Variants in ACTR3C observed in about 807,000 individuals in gnomAD.
The protein encoded by ACTR3C is actin-related protein 3C.
A neutral mutation model predicts 26.3 loss-of-function variants in ACTR3C; 18 were observed. The observed-to-expected ratio is 0.68, with a 90% CI of 0.47 to 1.01. ACTR3C has a LOEUF of 1.01. Among genes scored for constraint, ACTR3C ranks in the 50% least tolerant of loss-of-function variants. The probability of loss-of-function intolerance (pLI) is 0.00; values close to 1 mark genes in which losing one functional copy is unlikely to be tolerated. For missense variants in ACTR3C, 184 were observed against 250.7 expected (o/e 0.73, Z 1.80); for synonymous variants, 55 against 94.5 (o/e 0.58, Z 2.42).
intron 1 of ACTR3C, among the ~76,000 whole-genome samples, chr7:150,313,280 C>A (rs1276660954): frequency 6.6e-6 from 1 of 152,112 alleles, no homozygotes; most frequent in Non-Finnish European, 1.5e-5. Context: ...TACGGACACA[C>A]GTGACAGTTC....
chr7:150,101,507 A>G, the ACTR3C span, among the ~76,000 whole-genome samples: 1 of 151,736 alleles, frequency 6.6e-6, no homozygotes, highest in African/African-American at 2.4e-5. Flanking sequence ...ATTGTCCCAC[A>G]TCACAAAACA....
At chr7:150,291,053 C>G (rs140667017) in intron 3 of ACTR3C, among the ~76,000 whole-genome samples, 1 of 152,116 alleles carries the variant, frequency 6.6e-6, no homozygotes, top group Non-Finnish European at 1.5e-5. Flanking sequence ...ATTATATGTA[C>G]AATCCCAAAC....
At chr7:150,066,762 T>C in the ACTR3C span, among the ~76,000 whole-genome samples, 4 of 152,224 alleles carry the variant, frequency 2.6e-5, no homozygotes, top group Non-Finnish European at 5.9e-5. Context: ...CAATGAACTG[T>C]AGTTTAGTTC....
At chr7:149,959,621 G>T in the ACTR3C span, among the ~76,000 whole-genome samples, 1 of 152,202 alleles carries the variant, frequency 6.6e-6, no homozygotes, top group African/African-American at 2.4e-5. Context: ...TAATTACACA[G>T]GGGGATGCAG....
Position 150,289,637 on chromosome 7 carries a change from T to A in ACTR3C, c.154-44A>T, listed in dbSNP as rs765744943. 6 of 1,569,880 alleles carry A rather than the reference T, an allele frequency of 3.8e-6. No individual in the cohort carries two copies. In the South Asian group the frequency reaches 4.8e-5, roughly 13 times the overall value. ...CAGAACAGCTGTGTTAGTGATTTCG[T>A]GGTGGAGAGCAGCCTGGACTCACGA... On this transcript the variant is annotated intron_variant, in intron 3 of 7. Coordinates refer to ENST00000683684, the MANE Select transcript of ACTR3C (RefSeq NM_001164458.2).
chr7:149,946,246 C>T, the ACTR3C span, among the ~76,000 whole-genome samples: 2 of 152,228 alleles, frequency 1.3e-5, no homozygotes, highest in Non-Finnish European at 2.9e-5. Context: ...CAGGTGCTTA[C>T]TGGAAGCCAT....
the ACTR3C span, among the ~76,000 whole-genome samples, chr7:150,127,139 G>GACACACACACAC: frequency 1.2e-4 from 16 of 129,684 alleles, no homozygotes; most frequent in Admixed American, 3.9e-4. Context: ...CCTACCATTA[G>GACACACACACAC]ACACACACAC....
At chr7:150,129,188 A>C in the ACTR3C span, among the ~76,000 whole-genome samples, 1 of 152,048 alleles carries the variant, frequency 6.6e-6, no homozygotes, top group African/African-American at 2.4e-5. Context: ...AAGTGCTAAG[A>C]GGAAATTTAT....
chr7:149,937,547 A>G, the ACTR3C span, among the ~76,000 whole-genome samples: 1 of 152,198 alleles, frequency 6.6e-6, no homozygotes, highest in African/African-American at 2.4e-5. Context: ...CAGGAAGAGG[A>G]GTGAGAAGAG....
chr7:150,006,408 AG>A, the ACTR3C span, among the ~76,000 whole-genome samples: 3 of 147,824 alleles, frequency 2.0e-5, no homozygotes, highest in Admixed American at 2.1e-4. Context: ...TGTGTTAGCC[AG>A]GATGGTCTCG....
At chr7:150,110,420 AGG>A in the ACTR3C span, among the ~76,000 whole-genome samples, 16 of 118,070 alleles carry the variant, frequency 1.4e-4, no homozygotes, top group African/African-American at 5.8e-4. Context: ...CTGCTCAGCA[AGG>A]CTGGAAGCAG....
the ACTR3C span, among the ~76,000 whole-genome samples, chr7:150,176,418 A>G: frequency 1.3e-5 from 2 of 150,902 alleles, no homozygotes; most frequent in African/African-American, 2.5e-5. Context: ...ATCTTCCTTC[A>G]AAAAGCCTTC....
the ACTR3C span, among the ~76,000 whole-genome samples, chr7:150,067,921 A>AG: frequency 6.6e-6 from 1 of 152,094 alleles, no homozygotes; most frequent in Non-Finnish European, 1.5e-5. Context: ...AAAATGAGAC[A>AG]GAAAAAAAAT....
At chr7:150,035,948 AG>A in the ACTR3C span, among the ~76,000 whole-genome samples, 1 of 132,150 alleles carries the variant, frequency 7.6e-6, no homozygotes, top group Admixed American at 7.2e-5. Context: ...GGGGGTCCTC[AG>A]AGCCAGGGCG....
the ACTR3C span, among the ~76,000 whole-genome samples, chr7:149,931,749 A>G: frequency 6.6e-6 from 1 of 152,208 alleles, no homozygotes; most frequent in Non-Finnish European, 1.5e-5. Context: ...GGGGGTGCCA[A>G]CAGCAGAAGA....
the ACTR3C span, among the ~76,000 whole-genome samples, chr7:150,170,410 C>A: frequency 4.3e-3 from 633 of 147,532 alleles, 8 homozygotes; most frequent in Admixed American, 7.9e-3. Context: ...ACACACAGGG[C>A]TCCTGGGTAT....
the ACTR3C span, among the ~76,000 whole-genome samples, chr7:149,944,318 T>C: frequency 1.3e-5 from 2 of 152,018 alleles, no homozygotes; most frequent in Admixed American, 6.6e-5. Flanking sequence ...CTCCTGATAA[T>C]GTTCTAATCC....
the ACTR3C span, among the ~76,000 whole-genome samples, chr7:150,210,111 C>G: frequency 2.0e-5 from 3 of 151,944 alleles, no homozygotes; most frequent in African/African-American, 7.3e-5. Flanking sequence ...TGGAAATAAG[C>G]ATGTGTAAAA....
the ACTR3C span, among the ~76,000 whole-genome samples, chr7:150,034,753 T>C: frequency 1.3e-5 from 2 of 149,616 alleles, no homozygotes; most frequent in Admixed American, 1.3e-4. Context: ...GATCCTAGGA[T>C]CAACGAAGGG....
Sources: gnomAD v4.1 joint callset for allele counts (sites outside exome capture counted in the v4.1 genomes callset) on GRCh38, gnomAD v4.1.1 for gene constraint, MANE v1.5 for transcripts, NCBI Gene and HGNC (gene_info 2026-07-23, HGNC 2026-07-21) for gene names.